CD200: variants seen among roughly 807,000 people sequenced by gnomAD.
CD200 encodes the protein OX-2 membrane glycoprotein.
A neutral mutation model predicts 30.9 loss-of-function variants in CD200; 15 were observed. The ratio of observed to expected loss-of-function variants is 0.49; its 90% CI spans 0.32 to 0.75. The LOEUF (loss-of-function observed/expected upper bound fraction) is 0.75. CD200 is among the 30% of genes least tolerant of loss of function. The pLI is 0.03. For synonymous variants in CD200, 134 were observed against 126.2 expected (o/e 1.06, Z -0.41); for missense variants, 262 against 324.2 (o/e 0.81, Z 1.47).
At chr3:112,361,457 A>G in intron 5 of CD200, 86 bp from the exon 6 acceptor site, 1 of 1,048,904 alleles carries the variant, frequency 9.5e-7, no homozygotes, top group South Asian at 1.3e-5. Flanking sequence ...GTGTTTCTTA[A>G]TCTCTCTATT....
intron 5 of CD200, 61 bp from the exon 6 acceptor site, chr3:112,361,482 A>C: frequency 8.0e-7 from 1 of 1,242,246 alleles, no homozygotes; most frequent in Non-Finnish European, 1.2e-6. Context: ...ATCTTCTTAA[A>C]ATGTATTATG....
At chr3:112,340,839 G>T in intron 1 of CD200, 63 bp from the exon 2 acceptor site, 1 of 1,066,102 alleles carries the variant, frequency 9.4e-7, no homozygotes, top group Non-Finnish European at 1.4e-6. Flanking sequence ...CGATTAGATT[G>T]AAGCTTCCTT....
intron 1 of CD200, 84 bp downstream of exon 1, chr3:112,333,308 G>C: frequency 6.7e-7 from 1 of 1,501,768 alleles, no homozygotes; most frequent in South Asian, 1.3e-5. Flanking sequence ...CGAGTGGAAG[G>C]CGCGGAGCTT....
At chr3:112,347,859 G>T in intron 4 of CD200, 29 bp downstream of exon 4, 1 of 1,600,944 alleles carries the variant, frequency 6.2e-7, no homozygotes, top group Non-Finnish European at 8.5e-7. Flanking sequence ...GGTGGCTGTG[G>T]TTGTGTCTGT....
chr3:112,354,826 T>TC (rs1465781658), intron 5 of CD200, among the ~76,000 whole-genome samples: 2 of 152,184 alleles, frequency 1.3e-5, no homozygotes, highest in African/African-American at 2.4e-5. Context: ...ATCCTTTTTT[T>TC]CCCTCTCTCT....
At chr3:112,345,395 GTCA>G (rs2081361766) in intron 3 of CD200, 107 bp downstream of exon 3, 1 of 840,514 alleles carries the variant, frequency 1.2e-6, no homozygotes, top group African/African-American at 1.7e-5. Flanking sequence ...CACAGAAAGG[GTCA>G]TGAGAAGATA....
chr3:112,358,825 A>T (rs1455756450), intron 5 of CD200, among the ~76,000 whole-genome samples: 1 of 152,238 alleles, frequency 6.6e-6, no homozygotes, highest in Non-Finnish European at 1.5e-5. Flanking sequence ...CATATGTTTT[A>T]AACTTATCTT....
intron 2 of CD200, among the ~76,000 whole-genome samples, chr3:112,341,507 G>A (rs2081238213): frequency 6.6e-6 from 1 of 152,170 alleles, no homozygotes; most frequent in African/African-American, 2.4e-5. Flanking sequence ...TTCCTTGGGA[G>A]GCCACACTCA....
chr3:112,360,333 A>AAATAAAAAT (rs879786648), intron 5 of CD200, among the ~76,000 whole-genome samples: 1 of 141,196 alleles, frequency 7.1e-6, no homozygotes, highest in African/African-American at 2.5e-5. Context: ...ATCTAAAAAA[A>AAATAAAAAT]ATATATATAT....
chr3:112,352,302 C>T (rs941108848), intron 5 of CD200, among the ~76,000 whole-genome samples: 1 of 152,252 alleles, frequency 6.6e-6, no homozygotes, highest in Non-Finnish European at 1.5e-5. Context: ...TTTATTTCTA[C>T]CATTAACAAA....
chr3:112,335,930 T>G (rs1348623519), intron 1 of CD200: 2 of 1,593,924 alleles, frequency 1.3e-6, no homozygotes, highest in African/African-American at 2.7e-5. Flanking sequence ...ATCTCATTGA[T>G]CTCAAACCAC....
chr3:112,358,923 GAAAGAGAGAGA>G (rs2081681705), intron 5 of CD200, among the ~76,000 whole-genome samples: 1 of 131,404 alleles, frequency 7.6e-6, no homozygotes, highest in African/African-American at 3.4e-5. Flanking sequence ...TGAGAGGAAA[GAAAGAGAGAGA>G]AAGAAAGAGA....
intron 5 of CD200, among the ~76,000 whole-genome samples, chr3:112,351,953 G>T (rs2081541027): frequency 6.6e-6 from 1 of 152,124 alleles, no homozygotes; most frequent in Non-Finnish European, 1.5e-5. Context: ...CTAACAGAGA[G>T]AGAACTCACT....
At chr3:112,345,891 C>G (rs979608790) in intron 3 of CD200, among the ~76,000 whole-genome samples, 2 of 152,074 alleles carry the variant, frequency 1.3e-5, no homozygotes, top group Non-Finnish European at 2.9e-5. Context: ...ATCCAAGAGG[C>G]TTAGTTTGAT....
intron 5 of CD200, among the ~76,000 whole-genome samples, chr3:112,361,120 C>T (rs551658015): frequency 5.3e-5 from 8 of 152,130 alleles, no homozygotes; most frequent in Non-Finnish European, 1.2e-4. Flanking sequence ...CACTGCAGCC[C>T]CAATCTCCTG....
intron 5 of CD200, among the ~76,000 whole-genome samples, chr3:112,354,964 A>C (rs768144403): frequency 1.3e-5 from 2 of 152,188 alleles, no homozygotes; most frequent in Non-Finnish European, 2.9e-5. Context: ...TTCCTTTATA[A>C]GGATCCTTGT....
intron 5 of CD200, among the ~76,000 whole-genome samples, chr3:112,359,265 A>C (rs1430033548): frequency 1.3e-5 from 2 of 152,232 alleles, no homozygotes; most frequent in Non-Finnish European, 2.9e-5. Flanking sequence ...ACAGACAAAC[A>C]ACAACAACAA....
At chr3:112,349,009 G>A (rs1215177500) in intron 4 of CD200, among the ~76,000 whole-genome samples, 1 of 152,022 alleles carries the variant, frequency 6.6e-6, no homozygotes, top group African/African-American at 2.4e-5. Context: ...GTCAAGCACT[G>A]GACCTATAGA....
At chr3:112,354,963 A>G (rs2081598978) in intron 5 of CD200, among the ~76,000 whole-genome samples, 1 of 152,142 alleles carries the variant, frequency 6.6e-6, no homozygotes. Flanking sequence ...TTTCCTTTAT[A>G]AGGATCCTTG....
Sources: gnomAD v4.1 joint callset for allele counts (sites outside exome capture counted in the v4.1 genomes callset) on GRCh38, gnomAD v4.1.1 for gene constraint, MANE v1.5 for transcripts, NCBI Gene and HGNC (gene_info 2026-07-23, HGNC 2026-07-21) for gene names.